The following GRIK1 variants were observed in gnomAD, a reference collection of about 807,000 sequenced individuals.
GRIK1 encodes glutamate receptor ionotropic, kainate 1.
In GRIK1, 69 loss-of-function variants were observed where a neutral mutation model predicts 105.7. The observed-to-expected ratio is 0.65, with a 90% CI of 0.54 to 0.80. GRIK1 has a LOEUF of 0.80. GRIK1 is among the 30% of genes least tolerant of loss of function. The pLI is 0.00. For synonymous variants in GRIK1, 438 were observed against 431.3 expected, an observed-to-expected ratio of 1.02 and a Z score of -0.19; for missense variants, 1,109 against 1,167.3, an observed-to-expected ratio of 0.95 and a Z score of 0.73.
chr21:29,828,873 A>C (rs1462964278), intron 1 of GRIK1, among the ~76,000 whole-genome samples: 1 of 152,190 alleles, frequency 6.6e-6, no homozygotes, highest in African/African-American at 2.4e-5. Flanking sequence ...ATGAGGAATT[A>C]GTTCAGTAAT....
chr21:29,912,780 A>T (rs1346595044), intron 1 of GRIK1, among the ~76,000 whole-genome samples: 1 of 152,088 alleles, frequency 6.6e-6, no homozygotes, highest in African/African-American at 2.4e-5. Context: ...AGGAGAGATG[A>T]TGATGATGAT....
chr21:29,541,765 C>G (rs1037616407), intron 16 of GRIK1, among the ~76,000 whole-genome samples: 1 of 151,844 alleles, frequency 6.6e-6, no homozygotes, highest in Admixed American at 6.6e-5. Context: ...TTTGCCCAGT[C>G]CATGTTTCTG....
intron 1 of GRIK1, among the ~76,000 whole-genome samples, chr21:29,930,752 C>T (rs897014946): frequency 7.9e-5 from 12 of 152,146 alleles, no homozygotes; most frequent in Admixed American, 3.3e-4. Flanking sequence ...CTAAAGAAGA[C>T]GTATGACCAT....
intron 1 of GRIK1, among the ~76,000 whole-genome samples, chr21:29,895,447 A>G (rs2070104186): frequency 6.6e-6 from 1 of 152,222 alleles, no homozygotes; most frequent in African/African-American, 2.4e-5. Flanking sequence ...GCAAACAACA[A>G]CTACAAGAAT....
intron 13 of GRIK1, 29 bp downstream of exon 13, chr21:29,581,396 C>G (rs200606492): frequency 8.1e-7 from 1 of 1,237,446 alleles, no homozygotes; most frequent in Admixed American, 1.7e-5. Context: ...CTGTGGGATG[C>G]GTGTGACAAA....
intron 1 of GRIK1, among the ~76,000 whole-genome samples, chr21:29,919,643 A>G (rs761201118): frequency 3.0e-4 from 45 of 152,166 alleles, no homozygotes; most frequent in Admixed American, 3.3e-4. Context: ...TTGCTAGAAC[A>G]GAGTTTGCTG....
Position 29,828,212 on chromosome 21 carries a change from A to G in GRIK1, c.118+111171T>C, listed in dbSNP as rs572835710. On this transcript the variant is annotated intron_variant, in intron 1 of 17. Transcript: ENST00000327783. ...TCTATTGGTCAGGGAGGCTGCCCAT[A>G]TTCAAGAGGAGGGCACTACACAAGG... Among the ~76,000 whole-genome samples, 41 of 152,094 alleles carry G rather than the reference A, an allele frequency of 2.7e-4. 1 individual carries two copies. In the South Asian group the frequency reaches 8.1e-3, roughly 30 times the overall value.
chr21:29,773,083 T>C (rs1003467010), intron 1 of GRIK1, among the ~76,000 whole-genome samples: 2 of 152,202 alleles, frequency 1.3e-5, no homozygotes, highest in African/African-American at 4.8e-5. Flanking sequence ...GGTGCAAGAA[T>C]TTAAATTCCT....
rs545486379 is a variant in GRIK1 at position 29,546,455 on chromosome 21, T to G, written c.2608-8571A>C. On this transcript the variant is annotated intron_variant, in intron 16 of 17. Coordinates refer to ENST00000327783, the MANE Select transcript of GRIK1 (RefSeq NM_001330994.2). ...ATGGCATTTTCTGTCCAGGATTCCC[T>G]TTTAATTTTTCTGTGGTTTCTATTC... Among the ~76,000 whole-genome samples, 133 of 152,346 alleles carry G rather than the reference T, an allele frequency of 8.7e-4. 1 individual carries two copies. Among genetic ancestry groups the G allele is most frequent in the African/African-American group, 3.0e-3 (126 of 41,584 alleles).
intron 3 of GRIK1, among the ~76,000 whole-genome samples, chr21:29,675,088 A>T (rs890530486): frequency 1.3e-5 from 2 of 152,226 alleles, no homozygotes; most frequent in South Asian, 4.1e-4. Flanking sequence ...CTATGATGTA[A>T]CCATTATTAC....
chr21:29,761,265 C>G (rs2065509427), intron 1 of GRIK1: 1 of 152,248 alleles, frequency 6.6e-6, no homozygotes, highest in African/African-American at 2.4e-5. Context: ...AGCGCACGCT[C>G]TGATGTGGAC....
intron 1 of GRIK1, among the ~76,000 whole-genome samples, chr21:29,727,401 T>C (rs1022166852): frequency 6.6e-6 from 1 of 152,204 alleles, no homozygotes; most frequent in African/African-American, 2.4e-5. Flanking sequence ...GATATAATGG[T>C]ACTGTATATT....
intron 1 of GRIK1, among the ~76,000 whole-genome samples, chr21:29,927,415 T>A (rs1288914179): frequency 6.6e-6 from 1 of 150,524 alleles, no homozygotes; most frequent in African/African-American, 2.4e-5. Context: ...CTATGTAGTA[T>A]ATGTTTTATA....
In GRIK1 at chr21:29,563,512, T is replaced by C. The variant is rs1329180761; in HGVS notation, c.2131-1663A>G. ...GTGAGTTATGCCACAGCCCCGGAGA[T>C]ATCTGCAAGCTGCAGCTCATGTCCC... On this transcript the variant is annotated intron_variant, in intron 14 of 17. Transcript: ENST00000327783. Among the ~76,000 whole-genome samples the C allele has an allele frequency of 4.6e-5, 7 of 152,328 alleles. No individual in the cohort carries two copies. The East Asian group carries it at 1.4e-3, about 29-fold the overall frequency.
intron 4 of GRIK1, among the ~76,000 whole-genome samples, chr21:29,669,758 C>T (rs899289748): frequency 2.0e-5 from 3 of 152,108 alleles, no homozygotes; most frequent in African/African-American, 7.2e-5. Flanking sequence ...TCTTAGGACC[C>T]TCAGTAAAAG....
At chr21:29,798,948 C>G (rs763915633) in intron 1 of GRIK1, among the ~76,000 whole-genome samples, 1 of 151,998 alleles carries the variant, frequency 6.6e-6, no homozygotes, top group African/African-American at 2.4e-5. Context: ...TGAGAGAGAT[C>G]GATGCTAAAT....
At chr21:29,900,485 G>C (rs915931756) in intron 1 of GRIK1, among the ~76,000 whole-genome samples, 1 of 118,536 alleles carries the variant, frequency 8.4e-6, no homozygotes, top group Non-Finnish European at 1.7e-5. Context: ...AAAAAGCAAG[G>C]GTTGCAATCC....
intron 1 of GRIK1, among the ~76,000 whole-genome samples, chr21:29,881,201 A>C (rs1171512508): frequency 3.9e-5 from 6 of 152,118 alleles, no homozygotes; most frequent in Non-Finnish European, 7.4e-5. Flanking sequence ...TTTCCCTCTT[A>C]GTATAGCTTT....
At position 29,703,310 on chromosome 21, in the gene GRIK1, G is replaced by A. The variant is rs142805150; in HGVS notation, c.119-9247C>T. 2.2e-4 allele frequency among the ~76,000 whole-genome samples: 34 copies of A among 152,310 alleles called. 1 individual carries two copies. In the East Asian group the frequency reaches 4.8e-3, roughly 22 times the overall value. On this transcript the variant is annotated intron_variant, in intron 1 of 17. Transcript: ENST00000327783. ...AGCTGACAATCAAGACATGGAAAGCGTTTGTAGTGTTGACTCCTGTTTTGC... is the reference window on the plus strand; with the variant it reads ...AGCTGACAATCAAGACATGGAAAGCATTTGTAGTGTTGACTCCTGTTTTGC...
Sources: gnomAD v4.1 joint callset for allele counts (sites outside exome capture counted in the v4.1 genomes callset) on GRCh38, gnomAD v4.1.1 for gene constraint, MANE v1.5 for transcripts, NCBI Gene and HGNC (gene_info 2026-07-23, HGNC 2026-07-21) for gene names.